The following SPTAN1 variants were observed in gnomAD, a reference collection of about 807,000 sequenced individuals.
The protein encoded by SPTAN1 is spectrin alpha chain, non-erythrocytic 1.
Under a neutral mutation model 331.3 loss-of-function variants are expected in SPTAN1, and 61 were observed. That is an observed-to-expected ratio of 0.18 (90% CI 0.15 to 0.23). The LOEUF (loss-of-function observed/expected upper bound fraction) is 0.23. Ranked by LOEUF, SPTAN1 falls within the 10% of genes least tolerant of loss-of-function variation. SPTAN1 has a pLI of 1.00. For missense variants in SPTAN1, 2,043 were observed against 3,147.9 expected, an observed-to-expected ratio of 0.65 and a Z score of 8.40; for synonymous variants, 1,153 against 1,173.9, an observed-to-expected ratio of 0.98 and a Z score of 0.36.
intron 1 of SPTAN1, among the ~76,000 whole-genome samples, chr9:128,560,795 G>C (rs944675111): frequency 1.5e-4 from 23 of 151,714 alleles, no homozygotes; most frequent in Non-Finnish European, 2.2e-4. Context: ...TGAGGTGGGT[G>C]GATCACCTGA....
intron 3 of SPTAN1, among the ~76,000 whole-genome samples, chr9:128,572,640 A>G (rs1850866440): frequency 6.6e-6 from 1 of 152,186 alleles, no homozygotes; most frequent in Non-Finnish European, 1.5e-5. Context: ...TGGCTTGGTC[A>G]TTTATTTGGT....
intron 52 of SPTAN1, 191 bp from the exon 53 acceptor site, chr9:128,631,936 C>G: frequency 6.4e-6 from 4 of 625,328 alleles, no homozygotes; most frequent in Admixed American, 2.9e-5. Context: ...CATTGAAAGT[C>G]TCTCCCTCTA....
Position 128,632,496 on chromosome 9 carries a change from C to T in SPTAN1, c.7013+12C>T. On this transcript the variant is annotated intron_variant, in intron 54 of 56. Transcript: ENST00000372739. Reference sequence around the variant, plus strand: ...AGCATGATGTTTAAGTGAGTTCAGCCTTACTCGCCCTGGCTGGGTGGGGGG... The same window carrying T: ...AGCATGATGTTTAAGTGAGTTCAGCTTTACTCGCCCTGGCTGGGTGGGGGG... 1.2e-6 allele frequency: 2 copies of T among 1,614,206 alleles called. No homozygotes were observed. Among genetic ancestry groups the T allele is most frequent in the Non-Finnish European group, 1.7e-6 (2 of 1,180,032 alleles).
Position 128,577,512 on chromosome 9 carries a change from A to T in SPTAN1, c.1085+6A>T. On this transcript the variant is annotated splice_donor_region_variant and intron_variant, in intron 8 of 56. Coordinates refer to ENST00000372739, the MANE Select transcript of SPTAN1 (RefSeq NM_001130438.3). This position sits in a 1 kb window ranked among gnomAD's most constrained non-coding sequence, Gnocchi z 4.2. ...CGGCTCAATGATTCATACAGGTGCA[A>T]ATAATGCTCCAGGTCTTAACCAGTA... The T allele has an allele frequency of 6.2e-7, 1 of 1,613,514 alleles. No individual in the cohort carries two copies.
intron 27 of SPTAN1, 70 bp from the exon 28 acceptor site, chr9:128,603,473 C>T (rs532133375): frequency 2.6e-6 from 4 of 1,562,422 alleles, no homozygotes; most frequent in East Asian, 4.5e-5. Flanking sequence ...TAATCAATGA[C>T]ACTTGCAGCT....
chr9:128,620,111 C>G (rs886310181), intron 44 of SPTAN1, among the ~76,000 whole-genome samples: 5 of 152,214 alleles, frequency 3.3e-5, no homozygotes, highest in African/African-American at 9.7e-5. Flanking sequence ...ATCCTCACTG[C>G]CTTCTGGCCA....
intron 19 of SPTAN1, 44 bp downstream of exon 19, chr9:128,586,009 C>T (rs912547331): frequency 1.6e-5 from 25 of 1,575,306 alleles, no homozygotes; most frequent in Non-Finnish European, 1.8e-5. Flanking sequence ...GGAAGTGGAA[C>T]AGGGCTTGTA....
rs1237451146 is a variant in SPTAN1 at position 128,625,638 on chromosome 9, A to G, written c.6070-131A>G. On this transcript the variant is annotated intron_variant, in intron 47 of 56. Coordinates refer to ENST00000372739, the MANE Select transcript of SPTAN1 (RefSeq NM_001130438.3). The surrounding 1 kb of genome is among the most constrained non-coding windows in gnomAD (Gnocchi z 4.1). ...GCAGGAAAGGGGGCATGTGTGACTG[A>G]GTCTCAGCAGTGTCCAGGTGGACAG... is the stretch of plus-strand genomic sequence containing the variant. 1 of 846,538 alleles carries G rather than the reference A, an allele frequency of 1.2e-6. No homozygotes were observed. Among genetic ancestry groups the G allele is most frequent in the African/African-American group, 1.6e-5 (1 of 60,756 alleles). The allele number at this position is 846,538 out of a possible 1,614,324, so 52.4% of individuals were successfully genotyped here.
Position 128,632,650 on chromosome 9 carries a change from G to A in SPTAN1, c.7092G>A (p.Leu2364=). Residue 2364 remains leucine, a synonymous_variant, in exon 55 of 57, where the codon CTG becomes CTA. Transcript: ENST00000372739. ...GCCTGCGCTCCCTGGGCTATGACCT[G>A]CCCATGGTGGAGGAAGGGGAACCTG... ...KSCLRSLGYD[L]PMVEEGEPDP... 1 of 1,614,050 alleles carries A rather than the reference G, an allele frequency of 6.2e-7. No homozygotes were observed. Among genetic ancestry groups the A allele is most frequent in the South Asian group, 1.1e-5 (1 of 91,088 alleles).
At chr9:128,594,756 A>G (rs981292791) in intron 24 of SPTAN1, among the ~76,000 whole-genome samples, 1 of 149,790 alleles carries the variant, frequency 6.7e-6, no homozygotes, top group Non-Finnish European at 1.5e-5. Flanking sequence ...TCTGACTGCA[A>G]ATTACTGGAA....
At chr9:128,606,324 G>A (rs1381501426) in intron 31 of SPTAN1, among the ~76,000 whole-genome samples, 6 of 112,054 alleles carry the variant, frequency 5.4e-5, no homozygotes, top group Admixed American at 2.7e-4. Flanking sequence ...GCAGTGAGCC[G>A]AGATCGCACC....
At position 128,577,610 on chromosome 9, in the gene SPTAN1, G is replaced by T; in HGVS notation, c.1085+104G>T. 2 of 1,476,668 alleles carry T rather than the reference G, an allele frequency of 1.4e-6. No homozygotes were observed. The highest frequency in any genetic ancestry group is 1.1e-5 in the South Asian group (1 of 87,440). 91.5% of individuals were successfully genotyped at this position (1,476,668 alleles called of 1,614,324 possible). A position where few individuals can be genotyped will look rare whatever the true frequency, so the allele number is the denominator to read the frequency against. ...GTTCTGTGTTCTGTGAAAGTGTCAG[G>T]TATCACCTACAAATGCAAATCACTT... On this transcript the variant is annotated intron_variant, in intron 8 of 56. Transcript: ENST00000372739. This position sits in a 1 kb window ranked among gnomAD's most constrained non-coding sequence, Gnocchi z 4.2.
At chr9:128,609,890 G>A (rs1856381669) in intron 37 of SPTAN1, among the ~76,000 whole-genome samples, 1 of 152,102 alleles carries the variant, frequency 6.6e-6, no homozygotes, top group Non-Finnish European at 1.5e-5. Flanking sequence ...CTCTCCCCCA[G>A]TTTATCACTT....
chr9:128,624,055 C>T (rs1402412672), intron 45 of SPTAN1, among the ~76,000 whole-genome samples: 1 of 142,496 alleles, frequency 7.0e-6, no homozygotes, highest in African/African-American at 2.6e-5. Context: ...TGCATTCCAG[C>T]CTGGGCGACG....
rs1325465304 is a variant in SPTAN1 at position 128,578,179 on chromosome 9, T to C, written c.1155T>C (p.Asn385=). Residue 385 remains asparagine (N), a synonymous_variant, in exon 9 of 57, where the codon AAT becomes AAC. Transcript: ENST00000372739. ...TGACTGAGATGAAAGCCCTCATCAA[T>C]GCAGATGAGCTTGCCAGTGATGTGG... is the stretch of plus-strand genomic sequence containing the variant. ...SWVTEMKALI[N]ADELASDVAG... is the part of the protein sequence containing the mutation. The C allele has an allele frequency of 1.9e-6, 3 of 1,614,028 alleles. No homozygotes were observed. Among genetic ancestry groups the C allele is most frequent in the Admixed American group, 1.7e-5 (1 of 59,994 alleles).
chr9:128,553,351 T>C (rs1215519242), intron 1 of SPTAN1: 1 of 152,136 alleles, frequency 6.6e-6, no homozygotes, highest in Non-Finnish European at 1.5e-5. Context: ...GTGATTTGCT[T>C]GTAAATAATA....
intron 1 of SPTAN1, among the ~76,000 whole-genome samples, chr9:128,562,300 ACCATGTTGGC>A (rs1472284477): frequency 1.2e-4 from 19 of 152,048 alleles, no homozygotes; most frequent in Non-Finnish European, 2.9e-5. Context: ...ATGTGGTTTC[ACCATGTTGGC>A]CAGGCTGGTC....
chr9:128,628,941 C>T, intron 51 of SPTAN1: 1 of 391,228 alleles, frequency 2.6e-6, no homozygotes, highest in Non-Finnish European at 4.5e-6. Flanking sequence ...CCCTGCCCAT[C>T]TTGCCCATTC....
rs760385888 is a variant in SPTAN1, at chr9:128,617,973, T to C, written c.5479-14T>C. On this transcript the variant is annotated splice_polypyrimidine_tract_variant and intron_variant, in intron 42 of 56. Transcript: ENST00000372739. ...GAGCTACCTGCTGTTAACCTCCTCG[T>C]CCTTGCCTGTCAGGGTGTCCTGGAC... The C allele has an allele frequency of 1.9e-6, 3 of 1,614,134 alleles. No individual in the cohort carries two copies. The highest frequency in any genetic ancestry group is 2.2e-5 in the South Asian group (2 of 91,064).
Sources: gnomAD v4.1 joint callset for allele counts (sites outside exome capture counted in the v4.1 genomes callset) on GRCh38, gnomAD v4.1.1 for gene constraint, Gnocchi (gnomAD v3.1) non-coding constraint, MANE v1.5 for transcripts, NCBI Gene and HGNC (gene_info 2026-07-23, HGNC 2026-07-21) for gene names.